L3MBTL4: variants seen among roughly 807,000 people sequenced by gnomAD.
The protein encoded by L3MBTL4 is L3MBTL histone methyl-lysine binding protein 4, also known as lethal(3)malignant brain tumor-like protein 4.
L3MBTL4 carries 70 observed loss-of-function variants against 84.5 expected under a neutral mutation model. The ratio of observed to expected loss-of-function variants is 0.83; its 90% CI spans 0.68 to 1.01. The LOEUF is 1.01. Ranked by LOEUF, L3MBTL4 falls within the 50% of genes least tolerant of loss-of-function variation. L3MBTL4 has a pLI of 0.00. For missense variants in L3MBTL4, 715 were observed against 754.8 expected, an observed-to-expected ratio of 0.95 and a Z score of 0.62; for synonymous variants, 274 against 259.8, an observed-to-expected ratio of 1.05 and a Z score of -0.52.
intron 14 of L3MBTL4, among the ~76,000 whole-genome samples, chr18:6,134,411 T>C (rs1189794558): frequency 6.6e-6 from 1 of 152,100 alleles, no homozygotes; most frequent in Non-Finnish European, 1.5e-5. Flanking sequence ...AAGTCTTAAC[T>C]CATTTCAGCA....
At chr18:6,254,458 G>T (rs2048055352) in intron 5 of L3MBTL4, among the ~76,000 whole-genome samples, 1 of 141,644 alleles carries the variant, frequency 7.1e-6, no homozygotes, top group Admixed American at 7.4e-5. Flanking sequence ...TTTGGCTGAT[G>T]GGGAAAATCA....
At chr18:6,228,566 A>T (rs1315001629) in intron 10 of L3MBTL4, among the ~76,000 whole-genome samples, 1 of 152,228 alleles carries the variant, frequency 6.6e-6, no homozygotes, top group Non-Finnish European at 1.5e-5. Flanking sequence ...TAATTCTTAA[A>T]AAATGGACAA....
chr18:6,123,695 T>C (rs1441490635), intron 14 of L3MBTL4, among the ~76,000 whole-genome samples: 2 of 152,180 alleles, frequency 1.3e-5, no homozygotes, highest in Non-Finnish European at 2.9e-5. Context: ...ATATTTTAAC[T>C]AAAAACGAAG....
chr18:6,186,536 A>C (rs1416927427), intron 12 of L3MBTL4, among the ~76,000 whole-genome samples: 1 of 152,186 alleles, frequency 6.6e-6, no homozygotes, highest in Non-Finnish European at 1.5e-5. Context: ...GAGAAGCCTC[A>C]GCTCTCTCAG....
chr18:6,162,002 C>T (rs74440646), intron 13 of L3MBTL4, among the ~76,000 whole-genome samples: 7,772 of 150,926 alleles, frequency 0.051, 296 homozygotes, highest in South Asian at 0.072. Context: ...ACGCATTTTT[C>T]TTCCTTTGTT....
chr18:6,038,476 G>A (rs1479312634), intron 16 of L3MBTL4, among the ~76,000 whole-genome samples: 3 of 151,826 alleles, frequency 2.0e-5, no homozygotes, highest in Non-Finnish European at 2.9e-5. Context: ...GGATGGTCTC[G>A]ATCTCCTGAC....
chr18:6,177,961 G>A (rs2044298633), intron 12 of L3MBTL4, among the ~76,000 whole-genome samples: 1 of 152,098 alleles, frequency 6.6e-6, no homozygotes, highest in African/African-American at 2.4e-5. Flanking sequence ...CAAAAGCAAG[G>A]AAGTTGTGTC....
intron 14 of L3MBTL4, among the ~76,000 whole-genome samples, chr18:6,123,655 C>T (rs566549546): frequency 7.3e-4 from 111 of 152,082 alleles, no homozygotes; most frequent in Non-Finnish European, 1.4e-3. Flanking sequence ...TTATTAGCAG[C>T]GTGAGAACAG....
chr18:6,170,589 T>C (rs1328905756), intron 13 of L3MBTL4, among the ~76,000 whole-genome samples: 3 of 151,976 alleles, frequency 2.0e-5, no homozygotes, highest in Non-Finnish European at 4.4e-5. Context: ...AAAAGCCAGG[T>C]GGGTAGAGTG....
At chr18:6,196,050 C>T (rs937785716) in intron 12 of L3MBTL4, among the ~76,000 whole-genome samples, 4 of 151,982 alleles carry the variant, frequency 2.6e-5, no homozygotes, top group Admixed American at 6.6e-5. Flanking sequence ...CCAGCCAGAG[C>T]GCCTGCCACA....
intron 12 of L3MBTL4, among the ~76,000 whole-genome samples, chr18:6,183,972 T>C (rs1369197536): frequency 1.3e-5 from 2 of 152,180 alleles, no homozygotes; most frequent in African/African-American, 4.8e-5. Flanking sequence ...TGCACAGTTA[T>C]ATAAGGAACC....
chr18:6,239,266 G>A (rs967125585), intron 9 of L3MBTL4, among the ~76,000 whole-genome samples: 5 of 150,032 alleles, frequency 3.3e-5, no homozygotes, highest in Admixed American at 1.3e-4. Flanking sequence ...GCGTGAACCC[G>A]GGAGGCGAAG....
At chr18:6,301,873 A>G (rs763130706) in intron 4 of L3MBTL4, 30 bp downstream of exon 4, 30 of 1,557,480 alleles carry the variant, frequency 1.9e-5, no homozygotes, top group Non-Finnish European at 2.7e-5. Context: ...TTCACTGTGA[A>G]CTACCACTGT....
intron 16 of L3MBTL4, among the ~76,000 whole-genome samples, chr18:5,981,974 CTGTGTGTG>C (rs374606293): frequency 2.8e-4 from 38 of 137,428 alleles, no homozygotes; most frequent in Middle Eastern, 3.6e-3. Flanking sequence ...TTTCAATATT[CTGTGTGTG>C]TGTGTGTGTG....
intron 16 of L3MBTL4, among the ~76,000 whole-genome samples, chr18:5,991,586 C>T (rs1200931074): frequency 1.3e-5 from 2 of 152,052 alleles, no homozygotes; most frequent in Non-Finnish European, 2.9e-5. Flanking sequence ...ATAACTAGAG[C>T]GAGGAAAGAG....
At chr18:6,009,527 G>A (rs1191341770) in intron 16 of L3MBTL4, among the ~76,000 whole-genome samples, 1 of 152,176 alleles carries the variant, frequency 6.6e-6, no homozygotes, top group Non-Finnish European at 1.5e-5. Flanking sequence ...TATTCATGGG[G>A]AAATTGGTTC....
At chr18:6,389,704 A>G (rs1316135916) in intron 1 of L3MBTL4, among the ~76,000 whole-genome samples, 3 of 152,190 alleles carry the variant, frequency 2.0e-5, no homozygotes, top group African/African-American at 7.2e-5. Context: ...AAAAAGACAA[A>G]GAGGGACATT....
rs184008075 is a variant in L3MBTL4, at chr18:6,010,746, C to G, written c.1445-41184G>C. 4.8e-3 allele frequency among the ~76,000 whole-genome samples: 723 copies of G among 152,006 alleles called. 6 individuals are homozygous for G. The highest frequency in any genetic ancestry group is 0.017 in the African/African-American group (702 of 41,456). ...TATTTATTTATTTTTTTAAAAAAAG[C>G]AAAATGGAAGTAAAATAAATAGAAA... On this transcript the variant is annotated intron_variant, in intron 16 of 18. Coordinates refer to ENST00000317931, the MANE Select transcript of L3MBTL4 (RefSeq NM_001330559.2).
intron 15 of L3MBTL4, among the ~76,000 whole-genome samples, chr18:6,090,790 A>ATC (rs2058427050): frequency 1.5e-5 from 2 of 129,744 alleles, no homozygotes; most frequent in East Asian, 4.5e-4. Flanking sequence ...ACACCCACCT[A>ATC]TTTTTTTTTT....
Sources: allele counts gnomAD v4.1 joint callset (sites outside exome capture counted in the v4.1 genomes callset), GRCh38; gene constraint gnomAD v4.1.1; transcripts MANE v1.5; gene names NCBI Gene and HGNC (gene_info 2026-07-23, HGNC 2026-07-21).